The following SLC66A2 variants were observed in gnomAD, a reference collection of about 807,000 sequenced individuals.
SLC66A2 encodes the protein PQ loop repeat containing 1.
Under a neutral mutation model 25.5 loss-of-function variants are expected in SLC66A2, and 23 were observed. The ratio of observed to expected loss-of-function variants is 0.90; its 90% CI spans 0.65 to 1.28. The LOEUF is 1.28. Among genes scored for constraint, SLC66A2 ranks in the 50% most tolerant of loss-of-function variants. The pLI, the probability that SLC66A2 is intolerant of heterozygous loss-of-function variation, is 0.00. For synonymous variants in SLC66A2, 193 were observed against 166.5 expected (o/e 1.16, Z -1.23); for missense variants, 396 against 373.1 (o/e 1.06, Z -0.51).
chr18:79,905,852 T>C (rs1347506363), intron 5 of SLC66A2, among the ~76,000 whole-genome samples: 3 of 152,210 alleles, frequency 2.0e-5, no homozygotes, highest in Non-Finnish European at 4.4e-5. Flanking sequence ...TTGTTTCTAA[T>C]CAGTTGGTAA....
In SLC66A2 at chr18:79,918,530, TAG is replaced by T. The variant is rs780359442; in HGVS notation, c.608+652_608+653del. 5.3e-5 allele frequency among the ~76,000 whole-genome samples: 8 copies of T among 151,916 alleles called. No individual in the cohort carries two copies. The highest frequency in any genetic ancestry group is 8.8e-5 in the Non-Finnish European group (6 of 67,986). ...CCTGGGGGTCGAAAGTGTGAGGGAC[TAG>T]AGTTTTCTGCCCCCGCCACAGCGAG... On this transcript the variant is annotated intron_variant, in intron 5 of 5. Coordinates refer to ENST00000397778, the MANE Select transcript of SLC66A2 (RefSeq NM_025078.5). This position sits in a 1 kb window ranked among gnomAD's most constrained non-coding sequence, Gnocchi z 4.0.
At chr18:79,946,792 C>T (rs1338862996) in intron 2 of SLC66A2, among the ~76,000 whole-genome samples, 2 of 152,120 alleles carry the variant, frequency 1.3e-5, no homozygotes, top group African/African-American at 4.8e-5. Context: ...ATGGTGAAAC[C>T]CCGTCTCTAC....
intron 4 of SLC66A2, among the ~76,000 whole-genome samples, chr18:79,931,452 A>G (rs1351024245): frequency 2.0e-5 from 3 of 152,246 alleles, no homozygotes; most frequent in Admixed American, 2.0e-4. Flanking sequence ...GAAAATATGC[A>G]TATACGTCCC....
chr18:79,932,556 A>T (rs1003261399), intron 4 of SLC66A2, among the ~76,000 whole-genome samples: 1 of 152,138 alleles, frequency 6.6e-6, no homozygotes, highest in African/African-American at 2.4e-5. Flanking sequence ...AAATTGACAA[A>T]TTTTTAGCTA....
In SLC66A2 at chr18:79,927,532, C is replaced by T. The variant is rs980740418; in HGVS notation, c.391+6437G>A. Among the ~76,000 whole-genome samples the T allele has an allele frequency of 1.3e-5, 2 of 152,188 alleles. No individual in the cohort carries two copies. The highest frequency in any genetic ancestry group is 4.8e-5 in the African/African-American group (2 of 41,448). ...TCTTAGCCTTCGAGGCCGGCACTGG[C>T]CTCGCTGACCCCTCTAATCCTGCCA... On this transcript the variant is annotated intron_variant, in intron 4 of 5. Transcript: ENST00000397778. This position sits in a 1 kb window ranked among gnomAD's most constrained non-coding sequence, Gnocchi z 6.2.
intron 5 of SLC66A2, among the ~76,000 whole-genome samples, chr18:79,916,273 ACCCGTGGTGCT>A (rs1984134402): frequency 6.8e-6 from 1 of 146,056 alleles, no homozygotes; most frequent in African/African-American, 2.6e-5. Flanking sequence ...GTGCTCCCGT[ACCCGTGGTGCT>A]CCCGTACCCG....
intron 5 of SLC66A2, among the ~76,000 whole-genome samples, chr18:79,910,463 A>C (rs567112331): frequency 7.3e-6 from 1 of 137,344 alleles, no homozygotes; most frequent in Non-Finnish European, 1.6e-5. Context: ...AGAGTCCCCA[A>C]CCTTCCCCAC....
At chr18:79,912,808 A>G (rs1983439351) in intron 5 of SLC66A2, among the ~76,000 whole-genome samples, 1 of 152,126 alleles carries the variant, frequency 6.6e-6, no homozygotes, top group Non-Finnish European at 1.5e-5. Context: ...CTCCTGTCAC[A>G]TGGGCCAGCC....
chr18:79,943,331 G>A lies in SLC66A2; in HGVS notation c.335C>T (p.Thr112Ile), dbSNP rs371932324. Reference protein sequence around the residue: ...NELNARRRSFTAADSKDEEVK... With the variant: ...NELNARRRSFIAADSKDEEVK... Reference sequence around the variant, plus strand: ...ATTCCGAAGCGCCGGCCACCAACCTGTAAAGGAGCGGCGCCTGGCGTTGAG... The same window carrying A: ...ATTCCGAAGCGCCGGCCACCAACCTATAAAGGAGCGGCGCCTGGCGTTGAG... Residue 112 changes from threonine (T) to isoleucine (I), a missense_variant and splice_region_variant, in exon 3 of 6, where the codon ACA becomes ATA. Physicochemically the swap from Thr to Ile is moderately conservative, Grantham distance 89 (BLOSUM62 -1). Coordinates refer to ENST00000397778, the MANE Select transcript of SLC66A2 (RefSeq NM_025078.5). 6.2e-7 allele frequency: 1 copy of A among 1,613,968 alleles called. No individual in the cohort carries two copies.
intron 3 of SLC66A2, among the ~76,000 whole-genome samples, chr18:79,936,670 A>T (rs541106277): frequency 6.6e-6 from 1 of 152,266 alleles, no homozygotes; most frequent in Non-Finnish European, 1.5e-5. Flanking sequence ...AAAAAAGTAC[A>T]TGATAAAACA....
chr18:79,951,548 C>T (rs574653285), intron 1 of SLC66A2, 33 bp downstream of exon 1: 1 of 152,206 alleles, frequency 6.6e-6, no homozygotes, highest in Admixed American at 6.6e-5. Flanking sequence ...AGGCCGCCCC[C>T]CGAGGACCCC....
intron 4 of SLC66A2, 125 bp downstream of exon 4, chr18:79,933,844 T>G: frequency 1.3e-6 from 1 of 786,186 alleles, no homozygotes; most frequent in Non-Finnish European, 2.1e-6. Flanking sequence ...TGCTGTAGAC[T>G]CGGCCACGCT....
Position 79,948,956 on chromosome 18 carries a change from G to A in SLC66A2, c.203+1768C>T, listed in dbSNP as rs143174174. Among the ~76,000 whole-genome samples, 597 of 152,274 alleles carry A rather than the reference G, an allele frequency of 3.9e-3. 17 individuals carry two copies. The highest frequency in any genetic ancestry group is 0.029 in the Admixed American group (438 of 15,296). Reference sequence around the variant, plus strand: ...CGCTCACTGAGGCCACTGCAGCACCGCCAGCCACGTCTCCAAAGCAGGCGA... The same window carrying A: ...CGCTCACTGAGGCCACTGCAGCACCACCAGCCACGTCTCCAAAGCAGGCGA... On this transcript the variant is annotated intron_variant, in intron 2 of 5. Coordinates refer to ENST00000397778, the MANE Select transcript of SLC66A2 (RefSeq NM_025078.5).
intron 4 of SLC66A2, among the ~76,000 whole-genome samples, chr18:79,923,523 C>G (rs1171640544): frequency 6.6e-6 from 1 of 152,122 alleles, no homozygotes; most frequent in Non-Finnish European, 1.5e-5. Context: ...ACAGAAAATC[C>G]TCACTAAACA....
chr18:79,938,697 G>T (rs1273294588), intron 3 of SLC66A2, among the ~76,000 whole-genome samples: 1 of 152,212 alleles, frequency 6.6e-6, no homozygotes, highest in Non-Finnish European at 1.5e-5. Context: ...TGTTTTTTAA[G>T]ATGGAGTCTC....
intron 4 of SLC66A2, 27 bp downstream of exon 4, chr18:79,933,942 C>T (rs1469429388): frequency 3.1e-6 from 5 of 1,600,946 alleles, no homozygotes; most frequent in Non-Finnish European, 4.3e-6. Flanking sequence ...GAACGTGCTG[C>T]GGACAGTGCA....
chr18:79,929,176 A>C (rs958136641), intron 4 of SLC66A2, among the ~76,000 whole-genome samples: 1 of 152,224 alleles, frequency 6.6e-6, no homozygotes, highest in Non-Finnish European at 1.5e-5. Context: ...AAGGACAACC[A>C]AGAGGAGCAC....
chr18:79,926,497 C>T (rs1985965292), intron 4 of SLC66A2, among the ~76,000 whole-genome samples: 1 of 152,002 alleles, frequency 6.6e-6, no homozygotes, highest in Non-Finnish European at 1.5e-5. Flanking sequence ...CCTGCAGGCA[C>T]CCTCGGGACC....
chr18:79,932,220 A>G (rs1599608864), intron 4 of SLC66A2, among the ~76,000 whole-genome samples: 1 of 152,180 alleles, frequency 6.6e-6, no homozygotes, highest in Non-Finnish European at 1.5e-5. Context: ...ACAACACACC[A>G]AAGTATAGGA....
Sources: allele counts gnomAD v4.1 joint callset (sites outside exome capture counted in the v4.1 genomes callset), GRCh38; gene constraint gnomAD v4.1.1; non-coding constraint Gnocchi (gnomAD v3.1); transcripts MANE v1.5; gene names NCBI Gene and HGNC (gene_info 2026-07-23, HGNC 2026-07-21).